Variants in TTC17 observed in about 807,000 individuals in gnomAD.
TTC17 encodes the protein tetratricopeptide repeat domain 17.
In TTC17, 58 loss-of-function variants were observed where a neutral mutation model predicts 143.8. That is an observed-to-expected ratio of 0.40 (90% confidence interval 0.33 to 0.50). The LOEUF is 0.50. Among genes scored for constraint, TTC17 ranks in the 20% least tolerant of loss-of-function variants. The pLI is 0.49. For synonymous variants in TTC17, 501 were observed against 497.8 expected (o/e 1.01, Z -0.09); for missense variants, 1,273 against 1,392.5 (o/e 0.91, Z 1.37).
At chr11:43,473,216 A>G (rs150146093) in intron 21 of TTC17, among the ~76,000 whole-genome samples, 2 of 152,178 alleles carry the variant, frequency 1.3e-5, no homozygotes, top group East Asian at 1.9e-4. Flanking sequence ...TTTTGGTAAC[A>G]TTAAGCACTA....
intron 16 of TTC17, among the ~76,000 whole-genome samples, chr11:43,427,614 C>T (rs574661897): frequency 1.3e-5 from 2 of 152,284 alleles, no homozygotes; most frequent in African/African-American, 4.8e-5. Context: ...ACCAATTTTA[C>T]CCATCTTTCA....
Position 43,444,184 on chromosome 11 carries a change from C to T in TTC17, c.2640C>T (p.Pro880=), listed in dbSNP as rs1947488125. The T allele has an allele frequency of 1.2e-6, 2 of 1,610,818 alleles. No individual in the cohort carries two copies. The highest frequency in any genetic ancestry group is 8.5e-7 in the Non-Finnish European group (1 of 1,178,782). ...AAGCAAACCTAGAGATCACTGGCCCCAAGGTGGCATCTCCTGGGCCACAAG... is the reference window on the plus strand; with the variant it reads ...AAGCAAACCTAGAGATCACTGGCCCTAAGGTGGCATCTCCTGGGCCACAAG... The part of the protein sequence containing the change: ...RYQANLEITG[P]KVASPGPQGK... Residue 880 remains proline, a synonymous_variant, in exon 18 of 24, where the codon CCC becomes CCT. Transcript: ENST00000039989.
intron 2 of TTC17, among the ~76,000 whole-genome samples, chr11:43,386,446 T>G (rs1231497257): frequency 6.6e-6 from 1 of 152,168 alleles, no homozygotes; most frequent in Non-Finnish European, 1.5e-5. Flanking sequence ...AAAGGTACAG[T>G]AAAAATGTGG....
At chr11:43,386,741 C>A (rs1341569313) in intron 2 of TTC17, among the ~76,000 whole-genome samples, 1 of 152,082 alleles carries the variant, frequency 6.6e-6, no homozygotes, top group Non-Finnish European at 1.5e-5. Flanking sequence ...TTACTTTTTC[C>A]ATAAATTTCT....
intron 21 of TTC17, among the ~76,000 whole-genome samples, chr11:43,461,934 C>G (rs1947875024): frequency 6.6e-6 from 1 of 151,948 alleles, no homozygotes; most frequent in Non-Finnish European, 1.5e-5. Context: ...AAAATGGAAT[C>G]ATGTAGAACA....
At chr11:43,478,602 A>G (rs1274334605) in intron 21 of TTC17, among the ~76,000 whole-genome samples, 1 of 151,942 alleles carries the variant, frequency 6.6e-6, no homozygotes, top group African/African-American at 2.4e-5. Context: ...ATATTGTTTT[A>G]TTTATTTATT....
intron 8 of TTC17, among the ~76,000 whole-genome samples, chr11:43,399,664 C>G (rs944942080): frequency 1.3e-5 from 2 of 152,146 alleles, no homozygotes; most frequent in African/African-American, 4.8e-5. Context: ...GCCTTGACAA[C>G]AGAGCAAGAC....
chr11:43,460,482 A>C (rs1236173990), intron 21 of TTC17, among the ~76,000 whole-genome samples: 2 of 151,998 alleles, frequency 1.3e-5, no homozygotes, highest in East Asian at 3.9e-4. Context: ...CTTCCACCAA[A>C]TGTCTATAAC....
intron 16 of TTC17, among the ~76,000 whole-genome samples, chr11:43,426,992 T>C (rs1296587663): frequency 1.3e-5 from 2 of 152,220 alleles, no homozygotes; most frequent in Non-Finnish European, 2.9e-5. Context: ...ATTTACTACC[T>C]ATACCAGTGG....
chr11:43,484,160 A>G (rs1948337938), intron 21 of TTC17, among the ~76,000 whole-genome samples: 2 of 152,146 alleles, frequency 1.3e-5, no homozygotes, highest in Admixed American at 1.3e-4. Flanking sequence ...AAAGAAATAA[A>G]TTAATGGCAT....
At chr11:43,392,079 C>G in intron 5 of TTC17, 127 bp downstream of exon 5, 8 of 1,126,850 alleles carry the variant, frequency 7.1e-6, no homozygotes, top group Non-Finnish European at 8.6e-6. Flanking sequence ...TAAAATTACA[C>G]TTACATTGAT....
chr11:43,425,322 GAA>G (rs200325712), intron 16 of TTC17, among the ~76,000 whole-genome samples: 1 of 150,604 alleles, frequency 6.6e-6, no homozygotes, highest in Non-Finnish European at 1.5e-5. Flanking sequence ...CCTGTCTCTT[GAA>G]AAAAAAAATT....
intron 2 of TTC17, among the ~76,000 whole-genome samples, chr11:43,387,297 G>C (rs1857205872): frequency 6.6e-6 from 1 of 152,188 alleles, no homozygotes; most frequent in Admixed American, 6.5e-5. Flanking sequence ...CTGTTCTCAT[G>C]AAGGAAAGTG....
chr11:43,443,930 GA>G, intron 17 of TTC17, 125 bp from the exon 18 acceptor site: 3 of 1,131,344 alleles, frequency 2.7e-6, no homozygotes, highest in Non-Finnish European at 3.7e-6. Flanking sequence ...AGGTCTTTAA[GA>G]ATTAAACTCA....
chr11:43,427,545 T>G (rs746420034), intron 16 of TTC17, among the ~76,000 whole-genome samples: 1 of 152,120 alleles, frequency 6.6e-6, no homozygotes, highest in Non-Finnish European at 1.5e-5. Context: ...ACTCATTGCT[T>G]TCTGCAGCTC....
intron 16 of TTC17, among the ~76,000 whole-genome samples, chr11:43,427,046 G>A (rs907189574): frequency 2.6e-5 from 4 of 152,122 alleles, no homozygotes; most frequent in Non-Finnish European, 5.9e-5. Flanking sequence ...AGTCTAGTTT[G>A]CTAGTAAGTT....
At chr11:43,402,030 A>G (rs957004013) in intron 10 of TTC17, among the ~76,000 whole-genome samples, 3 of 144,058 alleles carry the variant, frequency 2.1e-5, no homozygotes, top group Non-Finnish European at 4.6e-5. Context: ...TAAATAAATA[A>G]AGAGCGAGAG....
intron 19 of TTC17, chr11:43,448,511 CT>C (rs1947594776): frequency 6.2e-6 from 1 of 160,038 alleles, no homozygotes; most frequent in Admixed American, 6.1e-5. Flanking sequence ...CCTCTGATAA[CT>C]GCTTTTTCCT....
intron 21 of TTC17, among the ~76,000 whole-genome samples, chr11:43,477,850 A>G (rs1471066699): frequency 6.6e-6 from 1 of 152,180 alleles, no homozygotes; most frequent in African/African-American, 2.4e-5. Flanking sequence ...GATGAGGGAA[A>G]GTCTCTCTAG....
Sources: allele counts gnomAD v4.1 joint callset (sites outside exome capture counted in the v4.1 genomes callset), GRCh38; gene constraint gnomAD v4.1.1; transcripts MANE v1.5; gene names NCBI Gene and HGNC (gene_info 2026-07-23, HGNC 2026-07-21).